Variants in MOV10L1 observed in about 807,000 individuals in gnomAD.
MOV10L1 encodes the protein RNA helicase Mov10l1.
Under a neutral mutation model 143.8 loss-of-function variants are expected in MOV10L1, and 110 were observed. The observed-to-expected ratio is 0.76, with a 90% CI of 0.66 to 0.90. The LOEUF is 0.90. Among genes scored for constraint, MOV10L1 ranks in the 40% least tolerant of loss-of-function variants. MOV10L1 has a pLI of 0.00. For missense variants in MOV10L1, 1,406 were observed against 1,526.8 expected (o/e 0.92, Z 1.32); for synonymous variants, 593 against 581.1 (o/e 1.02, Z -0.29).
chr22:50,126,209 A>G lies in MOV10L1; in HGVS notation c.1755A>G (p.Lys585=). Residue 585 remains lysine (K), a synonymous_variant, in exon 12 of 27, where the codon AAA becomes AAG. Transcript: ENST00000262794. Reference sequence around the variant, plus strand: ...AATATATTTTTTAACTAGGTGATAAACTGATTTTAAAAACTCAAGAGTACA... The same window carrying G: ...AATATATTTTTTAACTAGGTGATAAGCTGATTTTAAAAACTCAAGAGTACA... The part of the protein sequence containing the change: ...EGRPSLYAGD[K]LILKTQEYNG... 1.2e-6 allele frequency: 2 copies of G among 1,605,860 alleles called. No individual in the cohort carries two copies. Among genetic ancestry groups the G allele is most frequent in the Non-Finnish European group, 1.7e-6 (2 of 1,172,680 alleles).
rs908527574 is a variant in MOV10L1, at chr22:50,114,733, A to G, written c.1126+111A>G. The G allele has an allele frequency of 2.4e-5, 35 of 1,473,066 alleles. 1 individual carries two copies. In the Admixed American group the frequency reaches 6.6e-4, roughly 28 times the overall value. The allele number at this position is 1,473,066 out of a possible 1,614,324, so 91.2% of individuals were successfully genotyped here. Reference sequence around the variant, plus strand: ...AGGGGCCAGGACACCCGGCAGCTACAGTGCTTTGTGCTCTGAGCTCTTCGG... The same window carrying G: ...AGGGGCCAGGACACCCGGCAGCTACGGTGCTTTGTGCTCTGAGCTCTTCGG... On this transcript the variant is annotated intron_variant, in intron 7 of 26. Transcript: ENST00000262794.
At chr22:50,110,682 G>T (rs917584477) in intron 5 of MOV10L1, among the ~76,000 whole-genome samples, 2 of 152,142 alleles carry the variant, frequency 1.3e-5, no homozygotes, top group African/African-American at 2.4e-5. Flanking sequence ...TGTAATCCTA[G>T]GACTTTGGGA....
chr22:50,159,680 G>A lies in MOV10L1; in HGVS notation c.3219G>A (p.Val1073=), dbSNP rs200039742. 7.5e-6 allele frequency: 12 copies of A among 1,597,308 alleles called. No individual in the cohort carries two copies. The highest frequency in any genetic ancestry group is 1.1e-5 in the South Asian group (1 of 90,394). The change falls in exon 24 of 27, where the codon GTG becomes GTA. Residue 1073 remains valine, a splice_region_variant and synonymous_variant. Coordinates refer to ENST00000262794, the MANE Select transcript of MOV10L1 (RefSeq NM_018995.3). This position sits in a 1 kb window ranked among gnomAD's most constrained non-coding sequence, Gnocchi z 4.1. ...CTTTCTTTTAATCTGTTCTCAAGGT[G>A]GAGAAAATCAGAATTCTTTTGCGTA... ...IGVITPYRKQ[V]EKIRILLRNV...
Position 50,092,060 on chromosome 22 carries a change from A to G in MOV10L1, c.157A>G (p.Met53Val), listed in dbSNP as rs2062459992. ...VVTRYCSDYG[M>V]IDDMIYFSSD... is the part of the protein sequence containing the mutation. ...GACAAGGTACTGCAGCGATTATGGC[A>G]TGATTGATGATATGATCTACTTCTC... Residue 53 changes from methionine to valine, a missense_variant, in exon 2 of 27, where the codon ATG (methionine) becomes GTG (valine). Transcript: ENST00000262794. 6.2e-7 allele frequency: 1 copy of G among 1,614,178 alleles called. No individual in the cohort carries two copies. The highest frequency in any genetic ancestry group is 1.7e-5 in the Admixed American group (1 of 60,026).
At chr22:50,117,058 T>A in intron 8 of MOV10L1, 99 bp from the exon 9 acceptor site, 3 of 1,122,050 alleles carry the variant, frequency 2.7e-6, no homozygotes, top group Non-Finnish European at 3.8e-6. Context: ...TAAAGATGAG[T>A]CTTAACTCTG....
chr22:50,149,428 G>A (rs1281621685), intron 19 of MOV10L1, 187 bp from the exon 20 acceptor site: 2 of 594,904 alleles, frequency 3.4e-6, no homozygotes, highest in Middle Eastern at 4.0e-4. Flanking sequence ...ATGTGGCTTA[G>A]CATCTCCTGA....
chr22:50,146,643 T>A (rs993597671), intron 19 of MOV10L1, among the ~76,000 whole-genome samples: 1 of 151,064 alleles, frequency 6.6e-6, no homozygotes, highest in Non-Finnish European at 1.5e-5. Context: ...GTCACAGTGG[T>A]CGTGACCCTC....
At chr22:50,116,021 G>A (rs1389850407) in intron 8 of MOV10L1, among the ~76,000 whole-genome samples, 1 of 152,190 alleles carries the variant, frequency 6.6e-6, no homozygotes, top group Non-Finnish European at 1.5e-5. Flanking sequence ...CCAGCTCCCT[G>A]TGTCCCTGCA....
At chr22:50,130,284 A>G (rs2062634233) in intron 13 of MOV10L1, among the ~76,000 whole-genome samples, 3 of 152,030 alleles carry the variant, frequency 2.0e-5, no homozygotes, top group Admixed American at 6.5e-5. Context: ...AAAAATAAAT[A>G]AATAAATAAA....
At chr22:50,118,636 G>A (rs1351283209) in intron 9 of MOV10L1, among the ~76,000 whole-genome samples, 4 of 152,182 alleles carry the variant, frequency 2.6e-5, no homozygotes, top group African/African-American at 9.7e-5. Flanking sequence ...GGATTAATAG[G>A]TGGTTGGTGG....
chr22:50,128,475 T>G lies in MOV10L1; in HGVS notation c.1878T>G (p.Phe626Leu). 6.4e-7 allele frequency: 1 copy of G among 1,555,754 alleles called. No homozygotes were observed. The highest frequency in any genetic ancestry group is 1.1e-5 in the South Asian group (1 of 88,572). Reference protein sequence around the residue: ...INPEFEQAYNFEPMDVEFTYN... With the variant: ...INPEFEQAYNLEPMDVEFTYN... ...CAGAATTTGAACAAGCCTATAACTT[T>G]GAACCTATGGATGTGGAATTTACAT... is the stretch of plus-strand genomic sequence containing the variant. The change falls in exon 13 of 27, where the codon TTT (phenylalanine) becomes TTG (leucine). Residue 626 changes from phenylalanine to leucine, a missense_variant. By Grantham distance (22) the Phe-to-Leu change is conservative. Transcript: ENST00000262794.
intron 2 of MOV10L1, among the ~76,000 whole-genome samples, chr22:50,097,689 A>T (rs958893149): frequency 5.3e-5 from 8 of 152,160 alleles, no homozygotes; most frequent in African/African-American, 1.9e-4. Flanking sequence ...GGAGGTATGA[A>T]ACCTTCAATT....
Position 50,124,464 on chromosome 22 carries a change from A to G in MOV10L1, c.1570-928A>G, listed in dbSNP as rs115895425. ...TGGTTTACGATGTGTGGTGGTAGAG[A>G]TTCTTTTCTTCCTGTTCTTGTGCTT... On this transcript the variant is annotated intron_variant, in intron 10 of 26. Coordinates refer to ENST00000262794, the MANE Select transcript of MOV10L1 (RefSeq NM_018995.3). 7.2e-3 allele frequency among the ~76,000 whole-genome samples: 1,090 copies of G among 152,114 alleles called. 13 individuals are homozygous for G. Among genetic ancestry groups the G allele is most frequent in the African/African-American group, 0.025 (1,033 of 41,484 alleles).
Position 50,149,750 on chromosome 22 carries a change from C to T in MOV10L1, c.2727+36C>T, listed in dbSNP as rs773579263. 3.8e-6 allele frequency: 6 copies of T among 1,569,664 alleles called. No individual in the cohort carries two copies. The East Asian group carries it at 1.1e-4, about 30-fold the overall frequency. The stretch of plus-strand genomic sequence containing the variant: ...ACTACTGTGTGTGCTGCTTCCTCCT[C>T]ACCCCGTTCTCCTGAGGGGATGCAG... On this transcript the variant is annotated intron_variant, in intron 20 of 26. Transcript: ENST00000262794.
intron 19 of MOV10L1, among the ~76,000 whole-genome samples, chr22:50,146,529 C>G (rs563223934): frequency 6.6e-6 from 1 of 152,116 alleles, no homozygotes; most frequent in Non-Finnish European, 1.5e-5. Context: ...CAGACAGTGT[C>G]GGGGGCACAG....
intron 5 of MOV10L1, among the ~76,000 whole-genome samples, chr22:50,111,865 T>TC (rs1294510014): frequency 2.6e-5 from 4 of 152,174 alleles, no homozygotes; most frequent in Admixed American, 2.0e-4. Flanking sequence ...AGACATCTCC[T>TC]CCATCAGTCT....
chr22:50,133,917 G>T (rs918515880), intron 13 of MOV10L1, 90 bp from the exon 14 acceptor site: 4 of 1,048,018 alleles, frequency 3.8e-6, no homozygotes, highest in African/African-American at 1.6e-5. Flanking sequence ...TTGACTTAAA[G>T]ATTGTATCAT....
At chr22:50,108,579 G>A in intron 4 of MOV10L1, 78 bp from the exon 5 acceptor site, 1 of 1,513,104 alleles carries the variant, frequency 6.6e-7, no homozygotes, top group Non-Finnish European at 9.1e-7. Flanking sequence ...GCTTTGGGCT[G>A]ACTTGGGCGT....
At chr22:50,113,622 A>T in intron 5 of MOV10L1, 26 bp from the exon 6 acceptor site, 1 of 1,609,298 alleles carries the variant, frequency 6.2e-7, no homozygotes, top group Non-Finnish European at 8.5e-7. Context: ...CTGCAGAGGG[A>T]TGTCTTTCTG....
Sources: gnomAD v4.1 joint callset for allele counts (sites outside exome capture counted in the v4.1 genomes callset) on GRCh38, gnomAD v4.1.1 for gene constraint, Gnocchi (gnomAD v3.1) non-coding constraint, MANE v1.5 for transcripts, NCBI Gene and HGNC (gene_info 2026-07-23, HGNC 2026-07-21) for gene names.